JMJD1C: variants seen among roughly 807,000 people sequenced by gnomAD.
JMJD1C encodes the protein jumonji domain-containing protein 1C.
Under a neutral mutation model 245.3 loss-of-function variants are expected in JMJD1C, and 31 were observed. That is an observed-to-expected ratio of 0.13 (90% confidence interval 0.09 to 0.17). JMJD1C has a LOEUF of 0.17. Ranked by LOEUF, JMJD1C falls within the 10% of genes least tolerant of loss-of-function variation. JMJD1C has a pLI of 1.00. For synonymous variants in JMJD1C, 1,057 were observed against 1,017.4 expected, an observed-to-expected ratio of 1.04 and a Z score of -0.74; for missense variants, 2,691 against 3,000.2, an observed-to-expected ratio of 0.90 and a Z score of 2.41.
chr10:63,366,978 T>C (rs1211808893), intron 2 of JMJD1C, among the ~76,000 whole-genome samples: 1 of 152,140 alleles, frequency 6.6e-6, no homozygotes, highest in African/African-American at 2.4e-5. Flanking sequence ...CACTGCCATA[T>C]GTAAAAGTCT....
At position 63,208,690 on chromosome 10, in the gene JMJD1C, A is replaced by G; in HGVS notation, c.2979T>C (p.His993=). ...RSQTGKDCHL[H]RHFVDPVLNQ... ...TTAATACTGGATCCACAAAATGCCT[A>G]TGTAAGTGACAATCTTTTCCAGTCT... Residue 993 remains histidine (H), a synonymous_variant, in exon 10 of 26, where the codon CAT becomes CAC. Coordinates refer to ENST00000399262, the MANE Select transcript of JMJD1C (RefSeq NM_032776.3). 1 of 1,614,082 alleles carries G rather than the reference A, an allele frequency of 6.2e-7. No homozygotes were observed. Among genetic ancestry groups the G allele is most frequent in the Non-Finnish European group, 8.5e-7 (1 of 1,179,950 alleles).
At chr10:63,284,170 G>A (rs772769853) in intron 2 of JMJD1C, among the ~76,000 whole-genome samples, 2 of 151,922 alleles carry the variant, frequency 1.3e-5, no homozygotes, top group African/African-American at 2.4e-5. Flanking sequence ...GGATACAGGC[G>A]CGCACCAACA....
intron 1 of JMJD1C, among the ~76,000 whole-genome samples, chr10:63,438,067 C>T (rs187827414): frequency 3.0e-4 from 45 of 152,188 alleles, no homozygotes; most frequent in African/African-American, 1.0e-3. Flanking sequence ...CAGCCTAGAC[C>T]TCTCCCTTTA....
At position 63,208,310 on chromosome 10, in the gene JMJD1C, T is replaced by A. The variant is rs897716327; in HGVS notation, c.3359A>T (p.Asp1120Val). 6.2e-7 allele frequency: 1 copy of A among 1,614,048 alleles called. No homozygotes were observed. The highest frequency in any genetic ancestry group is 1.3e-5 in the African/African-American group (1 of 74,932). The change falls in exon 10 of 26, where the codon GAT becomes GTT. Residue 1120 changes from aspartate (D) to valine (V), a missense_variant. By Grantham distance (152) the Asp-to-Val change is radical. Transcript: ENST00000399262. The part of the protein sequence containing the change: ...PSKEVSNIYG[D>V]KQSNALAAAA... The stretch of plus-strand genomic sequence containing the variant: ...CGCTGCAAGGGCATTACTCTGTTTA[T>A]CACCGTAAATATTTGAAACTTCTTT...
intron 2 of JMJD1C, among the ~76,000 whole-genome samples, chr10:63,348,059 T>A (rs993078500): frequency 1.3e-5 from 2 of 151,618 alleles, no homozygotes; most frequent in Admixed American, 1.3e-4. Context: ...TTACTAAAAA[T>A]ACAAAAATTA....
At chr10:63,455,170 G>A (rs1952330451) in intron 1 of JMJD1C, among the ~76,000 whole-genome samples, 1 of 152,178 alleles carries the variant, frequency 6.6e-6, no homozygotes, top group Non-Finnish European at 1.5e-5. Context: ...GGGCAGGTGT[G>A]GGAGTGAGAT....
intron 3 of JMJD1C, among the ~76,000 whole-genome samples, chr10:63,241,207 C>G (rs908378122): frequency 5.3e-5 from 8 of 152,178 alleles, no homozygotes; most frequent in African/African-American, 1.9e-4. Context: ...GAAGGGGTTA[C>G]ATCCAGATAA....
At chr10:63,491,447 C>G (rs1311654909) in intron 1 of JMJD1C, among the ~76,000 whole-genome samples, 1 of 152,180 alleles carries the variant, frequency 6.6e-6, no homozygotes, top group Non-Finnish European at 1.5e-5. Flanking sequence ...ACCAGTAACT[C>G]TTGATCCCCC....
intron 2 of JMJD1C, among the ~76,000 whole-genome samples, chr10:63,353,444 C>A (rs563810084): frequency 6.6e-6 from 1 of 152,136 alleles, no homozygotes; most frequent in African/African-American, 2.4e-5. Flanking sequence ...GCAGGTGAAA[C>A]GGTAGATTTT....
Position 63,369,145 on chromosome 10 carries a change from T to TTC in JMJD1C, c.333+11171_333+11172dup, listed in dbSNP as rs535874761. ...CCTTTTCTTCCTGTTTTCTTTCTCT[T>TTC]TCTCTCTCTCTTTTCTTCTCCTCTT... On this transcript the variant is annotated intron_variant, in intron 2 of 25. Coordinates refer to ENST00000399262, the MANE Select transcript of JMJD1C (RefSeq NM_032776.3). Among the ~76,000 whole-genome samples, 6 of 151,980 alleles carry TTC rather than the reference T, an allele frequency of 3.9e-5. No homozygotes were observed. In the South Asian group the frequency reaches 1.0e-3, roughly 26 times the overall value.
At chr10:63,406,843 CACTT>C (rs1949200845) in intron 1 of JMJD1C, among the ~76,000 whole-genome samples, 1 of 152,060 alleles carries the variant, frequency 6.6e-6, no homozygotes, top group African/African-American at 2.4e-5. Flanking sequence ...TCAGTCAAGA[CACTT>C]ACAAAAGTCA....
At chr10:63,301,206 G>A (rs911243107) in intron 2 of JMJD1C, among the ~76,000 whole-genome samples, 1 of 152,190 alleles carries the variant, frequency 6.6e-6, no homozygotes, top group African/African-American at 2.4e-5. Context: ...GCAGAGATGG[G>A]GTTTTGCCAT....
intron 1 of JMJD1C, among the ~76,000 whole-genome samples, chr10:63,380,789 CAGAAAGGGGAACTCT>C (rs1254741219): frequency 6.6e-6 from 1 of 152,142 alleles, no homozygotes; most frequent in African/African-American, 2.4e-5. Context: ...TTGTAGGAAG[CAGAAAGGGGAACTCT>C]AGTACACTGT....
intron 10 of JMJD1C, among the ~76,000 whole-genome samples, chr10:63,205,692 C>G (rs576320182): frequency 3.6e-4 from 55 of 152,262 alleles, no homozygotes; most frequent in Non-Finnish European, 6.9e-4. Flanking sequence ...CAAACCCGTA[C>G]AGTATTTACT....
intron 2 of JMJD1C, among the ~76,000 whole-genome samples, chr10:63,315,766 C>T (rs185430243): frequency 5.3e-4 from 78 of 146,310 alleles, no homozygotes; most frequent in African/African-American, 1.8e-3. Context: ...CTTGAACCCA[C>T]GAGGCAGAGG....
intron 10 of JMJD1C, among the ~76,000 whole-genome samples, chr10:63,205,516 A>C (rs1846496767): frequency 6.6e-6 from 1 of 152,234 alleles, no homozygotes; most frequent in South Asian, 2.1e-4. Flanking sequence ...ATCCTGCATA[A>C]ATGAAGTGAT....
intron 2 of JMJD1C, among the ~76,000 whole-genome samples, chr10:63,322,452 T>C (rs529878631): frequency 1.3e-5 from 2 of 152,294 alleles, no homozygotes; most frequent in Admixed American, 6.5e-5. Flanking sequence ...AGCTGCTAAA[T>C]TGTAAAATAC....
intron 2 of JMJD1C, among the ~76,000 whole-genome samples, chr10:63,367,311 A>T (rs946153247): frequency 6.6e-6 from 1 of 152,076 alleles, no homozygotes; most frequent in South Asian, 2.1e-4. Context: ...GTGCAATGGC[A>T]TATCAGTTCA....
chr10:63,354,348 T>C, intron 2 of JMJD1C, among the ~76,000 whole-genome samples: 1 of 152,248 alleles, frequency 6.6e-6, no homozygotes, highest in East Asian at 1.9e-4. Context: ...TTATTCATTT[T>C]TATTGTTTGA....
Sources: gnomAD v4.1 joint callset for allele counts (sites outside exome capture counted in the v4.1 genomes callset) on GRCh38, gnomAD v4.1.1 for gene constraint, MANE v1.5 for transcripts, NCBI Gene and HGNC (gene_info 2026-07-23, HGNC 2026-07-21) for gene names.